The following TNNI3K variants were observed in gnomAD, a reference collection of about 807,000 sequenced individuals.
The protein encoded by TNNI3K is serine/threonine-protein kinase TNNI3K.
Under a neutral mutation model 114.5 loss-of-function variants are expected in TNNI3K, and 140 were observed. The observed-to-expected ratio is 1.22, with a 90% CI of 1.07 to 1.41. The LOEUF (loss-of-function observed/expected upper bound fraction) is 1.41. Among genes scored for constraint, TNNI3K ranks in the 40% most tolerant of loss-of-function variants. TNNI3K has a pLI of 0.00. For synonymous variants in TNNI3K, 347 were observed against 347.5 expected (o/e 1.00, Z 0.02); for missense variants, 1,125 against 1,007.6 (o/e 1.12, Z -1.58).
At chr1:74,509,762 T>C (rs1184833853) in intron 23 of TNNI3K, among the ~76,000 whole-genome samples, 3 of 135,160 alleles carry the variant, frequency 2.2e-5, no homozygotes, top group African/African-American at 8.3e-5. Context: ...TTTTTTTTTT[T>C]TTTTTTTTTT....
chr1:74,463,379 T>C (rs1203982110), intron 20 of TNNI3K, 62 bp from the exon 21 acceptor site: 1 of 1,569,836 alleles, frequency 6.4e-7, no homozygotes, highest in African/African-American at 1.4e-5. Flanking sequence ...TGTGTGTGTC[T>C]TCATTTGTTG....
chr1:74,518,781 A>G (rs1266509617), intron 23 of TNNI3K, among the ~76,000 whole-genome samples: 4 of 151,914 alleles, frequency 2.6e-5, no homozygotes, highest in Non-Finnish European at 4.4e-5. Flanking sequence ...TTAAAACAAC[A>G]TTTACAAATA....
intron 11 of TNNI3K, among the ~76,000 whole-genome samples, chr1:74,360,294 A>G (rs190214029): frequency 2.9e-4 from 44 of 152,066 alleles, no homozygotes; most frequent in African/African-American, 7.2e-4. Flanking sequence ...ACTGTCACCC[A>G]TAAGAAAAAG....
chr1:74,496,025 G>A (rs1371839731), intron 23 of TNNI3K, among the ~76,000 whole-genome samples: 1 of 152,120 alleles, frequency 6.6e-6, no homozygotes, highest in Non-Finnish European at 1.5e-5. Context: ...TCTCAACTTT[G>A]GCTGCACATT....
At chr1:74,238,111 G>A (rs535502251) in intron 2 of TNNI3K, among the ~76,000 whole-genome samples, 1 of 152,128 alleles carries the variant, frequency 6.6e-6, no homozygotes, top group Non-Finnish European at 1.5e-5. Flanking sequence ...AAGTAAAGGT[G>A]TGTAGGCAAG....
chr1:74,341,273 T>A (rs1660733678), intron 7 of TNNI3K, among the ~76,000 whole-genome samples: 1 of 152,220 alleles, frequency 6.6e-6, no homozygotes, highest in Non-Finnish European at 1.5e-5. Flanking sequence ...TGCATTTATC[T>A]GTTATTAGCT....
At chr1:74,460,299 C>T (rs939402783) in intron 20 of TNNI3K, among the ~76,000 whole-genome samples, 1 of 152,034 alleles carries the variant, frequency 6.6e-6, no homozygotes, top group Non-Finnish European at 1.5e-5. Context: ...AATCTCCTGA[C>T]CTCGTGATCT....
chr1:74,458,235 G>A (rs1667308382), intron 20 of TNNI3K, among the ~76,000 whole-genome samples: 1 of 152,032 alleles, frequency 6.6e-6, no homozygotes, highest in Admixed American at 6.5e-5. Context: ...GGGCAGTCAA[G>A]ACTTAAATAC....
intron 3 of TNNI3K, among the ~76,000 whole-genome samples, chr1:74,250,251 G>C (rs536339464): frequency 6.6e-6 from 1 of 152,070 alleles, no homozygotes. Flanking sequence ...AACTTCAAAC[G>C]TGCCTTCCCA....
intron 11 of TNNI3K, among the ~76,000 whole-genome samples, chr1:74,360,866 C>T (rs754052573): frequency 6.6e-5 from 10 of 152,072 alleles, no homozygotes; most frequent in South Asian, 2.1e-4. Flanking sequence ...TCTTCTCTTA[C>T]CAAATTGTAA....
At chr1:74,470,460 A>G (rs1258243888) in intron 21 of TNNI3K, 5 of 400,486 alleles carry the variant, frequency 1.2e-5, no homozygotes, top group African/African-American at 4.1e-5. Context: ...CTTTTTCGCT[A>G]CTATTGGTTA....
chr1:74,342,773 C>A, intron 7 of TNNI3K, 69 bp from the exon 8 acceptor site: 1 of 1,574,420 alleles, frequency 6.4e-7, no homozygotes, highest in Non-Finnish European at 8.7e-7. Context: ...GTCCATGATA[C>A]TATACATATG....
At chr1:74,419,259 C>G (rs1557554609) in intron 17 of TNNI3K, among the ~76,000 whole-genome samples, 1 of 152,028 alleles carries the variant, frequency 6.6e-6, no homozygotes, top group South Asian at 2.1e-4. Flanking sequence ...GTGTCTGTGT[C>G]TTCTTCTTTT....
intron 23 of TNNI3K, among the ~76,000 whole-genome samples, chr1:74,497,883 C>G (rs1332811992): frequency 2.6e-5 from 4 of 152,158 alleles, no homozygotes; most frequent in Admixed American, 2.0e-4. Context: ...CTCAGTGATA[C>G]ACGTTTTCAT....
chr1:74,257,661 C>CCTTTTTTTTTTTTTTTTTTTTTT lies in TNNI3K; in HGVS notation c.333+6892_333+6893insCTTTTTTTTTTTTTTTTTTTTTT, dbSNP rs763279460. Among the ~76,000 whole-genome samples, 4 of 78,590 alleles carry CCTTTTTTTTTTTTTTTTTTTTTT rather than the reference C, an allele frequency of 5.1e-5. 1 individual carries two copies. The highest frequency in any genetic ancestry group is 3.1e-5 in the Non-Finnish European group (1 of 32,528). 51.6% of individuals were successfully genotyped at this position (78,590 alleles called of 152,430 possible). On this transcript the variant is annotated intron_variant, in intron 4 of 24. Coordinates refer to ENST00000326637, the MANE Select transcript of TNNI3K (RefSeq NM_015978.3). ...GTTTGAACTTAGCCTCTTGGCTTAC[C>CCTTTTTTTTTTTTTTTTTTTTTT]TCTTTTTTTTTTTTTTTTTTTTTTT...
At chr1:74,473,150 G>A (rs948173925) in intron 21 of TNNI3K, among the ~76,000 whole-genome samples, 4 of 152,064 alleles carry the variant, frequency 2.6e-5, no homozygotes, top group Non-Finnish European at 4.4e-5. Flanking sequence ...TAAGAGCTAG[G>A]CATTGTGCTC....
intron 9 of TNNI3K, among the ~76,000 whole-genome samples, chr1:74,349,731 T>A (rs1210993552): frequency 6.6e-6 from 1 of 152,246 alleles, no homozygotes; most frequent in Non-Finnish European, 1.5e-5. Context: ...TTTATCCATT[T>A]CTTCTAGATT....
chr1:74,514,825 C>G (rs553316472), intron 23 of TNNI3K, among the ~76,000 whole-genome samples: 1 of 152,060 alleles, frequency 6.6e-6, no homozygotes, highest in Non-Finnish European at 1.5e-5. Context: ...AGTCTCAGAC[C>G]CTGGTACCTC....
intron 2 of TNNI3K, among the ~76,000 whole-genome samples, chr1:74,238,519 A>G (rs1229164320): frequency 6.6e-6 from 1 of 152,086 alleles, no homozygotes; most frequent in African/African-American, 2.4e-5. Flanking sequence ...ATAGCTTATT[A>G]AAAGTTAGAA....
Sources: gnomAD v4.1 joint callset for allele counts (sites outside exome capture counted in the v4.1 genomes callset) on GRCh38, gnomAD v4.1.1 for gene constraint, MANE v1.5 for transcripts, NCBI Gene and HGNC (gene_info 2026-07-23, HGNC 2026-07-21) for gene names.